PARD3: variants seen among roughly 807,000 people sequenced by gnomAD.
The protein encoded by PARD3 is par-3 family cell polarity regulator.
PARD3 carries 75 observed loss-of-function variants against 155.4 expected under a neutral mutation model. That is an observed-to-expected ratio of 0.48 (90% confidence interval 0.40 to 0.58). The LOEUF (loss-of-function observed/expected upper bound fraction) is 0.58. Among genes scored for constraint, PARD3 ranks in the 20% least tolerant of loss-of-function variants. The pLI, the probability that PARD3 is intolerant of heterozygous loss-of-function variation, is 0.00. For missense variants in PARD3, 1,642 were observed against 1,721.7 expected (o/e 0.95, Z 0.82); for synonymous variants, 576 against 610.5 (o/e 0.94, Z 0.83).
chr10:34,711,876 A>C (rs2094453995), intron 1 of PARD3, among the ~76,000 whole-genome samples: 1 of 152,192 alleles, frequency 6.6e-6, no homozygotes, highest in African/African-American at 2.4e-5. Context: ...AGCTGGCTCA[A>C]GAAATGCTGT....
intron 2 of PARD3, among the ~76,000 whole-genome samples, chr10:34,602,925 C>T (rs1344533756): frequency 6.6e-6 from 1 of 152,106 alleles, no homozygotes; most frequent in Non-Finnish European, 1.5e-5. Flanking sequence ...CAAAAAATGT[C>T]AAATGTGTAT....
chr10:34,627,370 A>AAAAAAT (rs763479615), intron 2 of PARD3, among the ~76,000 whole-genome samples: 1 of 152,130 alleles, frequency 6.6e-6, no homozygotes, highest in Non-Finnish European at 1.5e-5. Flanking sequence ...TCTCCCGACA[A>AAAAAAT]AAAAATATGT....
chr10:34,271,831 G>A (rs909043759), intron 21 of PARD3, among the ~76,000 whole-genome samples: 6 of 152,136 alleles, frequency 3.9e-5, no homozygotes, highest in East Asian at 1.9e-4. Context: ...TAAAAAGCAA[G>A]TTCAACAAAG....
intron 2 of PARD3, among the ~76,000 whole-genome samples, chr10:34,646,471 A>AT (rs1190570830): frequency 6.6e-6 from 1 of 152,194 alleles, no homozygotes; most frequent in African/African-American, 2.4e-5. Flanking sequence ...ATAAAGTGTT[A>AT]TTTCTCACTG....
chr10:34,443,116 AC>A (rs777144545), intron 5 of PARD3, among the ~76,000 whole-genome samples: 4 of 152,150 alleles, frequency 2.6e-5, no homozygotes, highest in Non-Finnish European at 5.9e-5. Context: ...CATCCCAGAC[AC>A]CCACCATTTT....
intron 22 of PARD3, among the ~76,000 whole-genome samples, chr10:34,203,361 C>T (rs368100446): frequency 4.6e-5 from 7 of 152,168 alleles, no homozygotes; most frequent in African/African-American, 1.7e-4. Flanking sequence ...GGAAAGCTCC[C>T]ACTGACTCCC....
intron 7 of PARD3, among the ~76,000 whole-genome samples, chr10:34,393,639 C>G (rs1843047787): frequency 1.3e-5 from 2 of 151,764 alleles, no homozygotes; most frequent in Non-Finnish European, 2.9e-5. Context: ...ACCTGTAATC[C>G]CAGCACTATG....
At chr10:34,721,099 C>G (rs968706726) in intron 1 of PARD3, among the ~76,000 whole-genome samples, 2 of 152,108 alleles carry the variant, frequency 1.3e-5, no homozygotes, top group African/African-American at 4.8e-5. Context: ...TGTTCTAAAT[C>G]TATATCAACT....
intron 1 of PARD3, among the ~76,000 whole-genome samples, chr10:34,720,688 T>C (rs1050283286): frequency 5.3e-5 from 8 of 151,956 alleles, no homozygotes; most frequent in African/African-American, 1.7e-4. Context: ...TCCCAGCTAC[T>C]TGGGAGGCTG....
chr10:34,685,283 T>G (rs1208344485), intron 2 of PARD3, among the ~76,000 whole-genome samples: 1 of 152,226 alleles, frequency 6.6e-6, no homozygotes, highest in Non-Finnish European at 1.5e-5. Context: ...TGATAAGGTA[T>G]GCCTTCAGAA....
intron 2 of PARD3, among the ~76,000 whole-genome samples, chr10:34,633,320 CT>C (rs1206858391): frequency 1.3e-5 from 2 of 152,154 alleles, no homozygotes; most frequent in Non-Finnish European, 2.9e-5. Flanking sequence ...GCTTTGTGCC[CT>C]TTGGTTACGA....
At chr10:34,547,311 T>C (rs1313570578) in intron 2 of PARD3, among the ~76,000 whole-genome samples, 1 of 152,236 alleles carries the variant, frequency 6.6e-6, no homozygotes, top group Non-Finnish European at 1.5e-5. Context: ...CACTGGGGTT[T>C]CAAAATCACA....
chr10:34,758,623 C>CT (rs1408638280), intron 1 of PARD3, among the ~76,000 whole-genome samples: 1 of 152,182 alleles, frequency 6.6e-6, no homozygotes, highest in African/African-American at 2.4e-5. Context: ...CACTCAAGCA[C>CT]TAAGGCCCTT....
chr10:34,552,646 G>A (rs17601328), intron 2 of PARD3, among the ~76,000 whole-genome samples: 6 of 152,016 alleles, frequency 3.9e-5, no homozygotes, highest in Admixed American at 1.3e-4. Context: ...CCCAGGAAGC[G>A]GAGGTTACAG....
At chr10:34,774,520 T>C (rs1041102350) in intron 1 of PARD3, among the ~76,000 whole-genome samples, 5 of 152,144 alleles carry the variant, frequency 3.3e-5, no homozygotes, top group African/African-American at 1.2e-4. Flanking sequence ...AGATGTTGCA[T>C]GAAAAAAATA....
chr10:34,646,825 T>C (rs899572036), intron 2 of PARD3, among the ~76,000 whole-genome samples: 1 of 152,218 alleles, frequency 6.6e-6, no homozygotes, highest in African/African-American at 2.4e-5. Flanking sequence ...CACAGGTATA[T>C]GCCACCACCT....
At chr10:34,485,337 C>CAA (rs35292075) in intron 3 of PARD3, among the ~76,000 whole-genome samples, 1 of 139,914 alleles carries the variant, frequency 7.1e-6, no homozygotes, top group Non-Finnish European at 1.6e-5. Context: ...GACTCTGTCT[C>CAA]AAAAAAAAAA....
At chr10:34,682,900 C>T (rs1211273305) in intron 2 of PARD3, among the ~76,000 whole-genome samples, 1 of 152,098 alleles carries the variant, frequency 6.6e-6, no homozygotes, top group Non-Finnish European at 1.5e-5. Flanking sequence ...AAAATAAAAC[C>T]TCAGAAGCAG....
At chr10:34,463,861 G>A (rs2077837655) in intron 4 of PARD3, among the ~76,000 whole-genome samples, 1 of 152,134 alleles carries the variant, frequency 6.6e-6, no homozygotes, top group Admixed American at 6.5e-5. Context: ...TCCCAGCTGT[G>A]TATTCAGTAT....
Sources: gnomAD v4.1 joint callset for allele counts (sites outside exome capture counted in the v4.1 genomes callset) on GRCh38, gnomAD v4.1.1 for gene constraint, MANE v1.5 for transcripts, NCBI Gene and HGNC (gene_info 2026-07-23, HGNC 2026-07-21) for gene names.